Variants in CAPN3 observed in about 807,000 individuals in gnomAD.
CAPN3 encodes the protein calpain-3.
A neutral mutation model predicts 114.0 loss-of-function variants in CAPN3; 88 were observed. That is an observed-to-expected ratio of 0.77 (90% CI 0.65 to 0.92). The LOEUF (loss-of-function observed/expected upper bound fraction) is 0.92, where lower values mean the gene tolerates loss of function less well. Ranked by LOEUF, CAPN3 falls within the 40% of genes least tolerant of loss-of-function variation. The pLI, the probability that CAPN3 is intolerant of heterozygous loss-of-function variation, is 0.00. For missense variants in CAPN3, 1,028 were observed against 1,069.0 expected, an observed-to-expected ratio of 0.96 and a Z score of 0.53; for synonymous variants, 386 against 382.9, an observed-to-expected ratio of 1.01 and a Z score of -0.09.
Position 42,392,698 on chromosome 15 carries a change from C to T in CAPN3, c.1005C>T (p.Ala335=), listed in dbSNP as rs369062480. 1.2e-6 allele frequency: 2 copies of T among 1,613,980 alleles called. No individual in the cohort carries two copies. Among genetic ancestry groups the T allele is most frequent in the Non-Finnish European group, 1.7e-6 (2 of 1,179,890 alleles). The change falls in exon 7 of 24, where the codon GCC becomes GCT. Residue 335 remains alanine (A), a synonymous_variant. Coordinates refer to ENST00000397163, the MANE Select transcript of CAPN3 (RefSeq NM_000070.3). Reference sequence around the variant, plus strand: ...CCTGCGGGCTGGTCAGAGGTCACGCCTACTCTGTCACGGGGCTGGATGAGG... The same window carrying T: ...CCTGCGGGCTGGTCAGAGGTCACGCTTACTCTGTCACGGGGCTGGATGAGG... ...RMACGLVRGH[A]YSVTGLDEVP... is the part of the protein sequence containing the mutation.
At chr15:42,400,635 G>C (rs1201804369) in intron 10 of CAPN3, among the ~76,000 whole-genome samples, 1 of 151,970 alleles carries the variant, frequency 6.6e-6, no homozygotes, top group African/African-American at 2.4e-5. Context: ...ACAATAAACT[G>C]TGATCATGCC....
intron 9 of CAPN3, 130 bp from the exon 10 acceptor site, chr15:42,399,362 G>C: frequency 1.4e-6 from 1 of 730,836 alleles, no homozygotes; most frequent in Non-Finnish European, 2.4e-6. Flanking sequence ...GGAAAGACAG[G>C]CTCCTCTGGG....
At chr15:42,408,406 G>C in intron 16 of CAPN3, 82 bp downstream of exon 16, 1 of 843,942 alleles carries the variant, frequency 1.2e-6, no homozygotes, top group Non-Finnish European at 2.0e-6. Context: ...GGGGCTGGAG[G>C]CTTCCCAGGA....
Position 42,392,689 on chromosome 15 carries a change from A to G in CAPN3, c.996A>G (p.Arg332=), listed in dbSNP as rs1271398782. The G allele has an allele frequency of 6.2e-7, 1 of 1,613,994 alleles. No individual in the cohort carries two copies. The highest frequency in any genetic ancestry group is 1.7e-5 in the Admixed American group (1 of 60,004). The change falls in exon 7 of 24, where the codon AGA becomes AGG. Residue 332 remains arginine, a synonymous_variant. Coordinates refer to ENST00000397163, the MANE Select transcript of CAPN3 (RefSeq NM_000070.3). ...YETRMACGLV[R]GHAYSVTGLD... ...CAAGAATGGCCTGCGGGCTGGTCAGAGGTCACGCCTACTCTGTCACGGGGC... is the reference window on the plus strand; with the variant it reads ...CAAGAATGGCCTGCGGGCTGGTCAGGGGTCACGCCTACTCTGTCACGGGGC...
At position 42,403,621 on chromosome 15, in the gene CAPN3, G is replaced by T. The variant is rs538315773; in HGVS notation, c.1746-120G>T. ...TTCCTGGGGTTGGGGTGTTCCAGGG[G>T]TTCTCTAGAGGCTGGTTCTGGCTTG... On this transcript the variant is annotated intron_variant, in intron 13 of 23. Transcript: ENST00000397163. 5.3e-5 allele frequency: 48 copies of T among 903,822 alleles called. No individual in the cohort carries two copies. The East Asian group carries it at 1.1e-3, about 21-fold the overall frequency. The allele number at this position is 903,822 out of a possible 1,614,324, so 56.0% of individuals were successfully genotyped here.
At position 42,403,738 on chromosome 15, in the gene CAPN3, C is replaced by T; in HGVS notation, c.1746-3C>T. Reference sequence around the variant, plus strand: ...AGACCCCACATGTCTGTATTCCTCACAGGGAAGTTGAAAATACCATCTCCG... The same window carrying T: ...AGACCCCACATGTCTGTATTCCTCATAGGGAAGTTGAAAATACCATCTCCG... On this transcript the variant is annotated splice_polypyrimidine_tract_variant and splice_region_variant and intron_variant, in intron 13 of 23. Coordinates refer to ENST00000397163, the MANE Select transcript of CAPN3 (RefSeq NM_000070.3). 1 of 1,613,780 alleles carries T rather than the reference C, an allele frequency of 6.2e-7. No homozygotes were observed. The highest frequency in any genetic ancestry group is 2.2e-5 in the East Asian group (1 of 44,876).
chr15:42,410,487 G>A lies in CAPN3; in HGVS notation c.2175G>A (p.Lys725=), dbSNP rs2054180537. The A allele has an allele frequency of 3.1e-6, 5 of 1,614,130 alleles. No individual in the cohort carries two copies. Among genetic ancestry groups the A allele is most frequent in the Non-Finnish European group, 3.4e-6 (4 of 1,179,996 alleles). ...QEFHHLWNKI[K]AWQKIFKHYD... ...TCCACCACCTCTGGAACAAGATTAA[G>A]GCCTGGCAGGTGGGAAGAGAAAATG... Residue 725 remains lysine, a synonymous_variant, in exon 20 of 24, where the codon AAG becomes AAA. Transcript: ENST00000397163.
chr15:42,374,297 T>G (rs1032471241), intron 1 of CAPN3: 2 of 152,464 alleles, frequency 1.3e-5, no homozygotes, highest in Non-Finnish European at 2.9e-5. Flanking sequence ...ATGCCCTACC[T>G]GCTGTCAGGA....
intron 18 of CAPN3, 39 bp downstream of exon 18, chr15:42,409,883 G>A (rs1269716155): frequency 5.4e-6 from 3 of 559,746 alleles, no homozygotes; most frequent in African/African-American, 2.0e-5. Context: ...GGTGGGTGGG[G>A]AGTCCCGTTG....
Position 42,411,910 on chromosome 15 carries a change from C to A in CAPN3, c.*137C>A, listed in dbSNP as rs2054263952. 6.4e-7 allele frequency: 1 copy of A among 1,563,912 alleles called. No homozygotes were observed. Among genetic ancestry groups the A allele is most frequent in the East Asian group, 2.4e-5 (1 of 42,408 alleles). ...TCCAGGCACCTCATCAGTCATGCTC[C>A]TCCTCCATTTTACCCCCTACCCATC... is the stretch of plus-strand genomic sequence containing the variant. On this transcript the variant is annotated 3_prime_UTR_variant, in exon 24 of 24. Coordinates refer to ENST00000397163, the MANE Select transcript of CAPN3 (RefSeq NM_000070.3).
intron 6 of CAPN3, among the ~76,000 whole-genome samples, chr15:42,390,786 T>G (rs199969214): frequency 0.053 from 7,960 of 150,036 alleles, 617 homozygotes; most frequent in African/African-American, 0.18. Flanking sequence ...TTTTTTGTTT[T>G]TTTGTTTTTT....
chr15:42,369,428 G>A (rs547179527), intron 1 of CAPN3, among the ~76,000 whole-genome samples: 71 of 152,158 alleles, frequency 4.7e-4, no homozygotes, highest in Admixed American at 1.5e-3. Context: ...CTTGAGCTAC[G>A]GAGGTTGGGG....
At chr15:42,402,211 G>GA in intron 12 of CAPN3, 76 bp downstream of exon 12, 1 of 1,610,066 alleles carries the variant, frequency 6.2e-7, no homozygotes, top group Non-Finnish European at 8.5e-7. Context: ...GGCTCGTCGA[G>GA]AAGCTTCCTG....
Position 42,392,627 on chromosome 15 carries a change from ACTGCT to A in CAPN3, c.946-9_946-5del, listed in dbSNP as rs758101156. 6.8e-6 allele frequency: 11 copies of A among 1,609,824 alleles called. No individual in the cohort carries two copies. In the African/African-American group the frequency reaches 1.1e-4, roughly 16 times the overall value. On this transcript the variant is annotated splice_region_variant and splice_polypyrimidine_tract_variant and intron_variant, in intron 6 of 23. Coordinates refer to ENST00000397163, the MANE Select transcript of CAPN3 (RefSeq NM_000070.3). ...CCCGCCCCTAATGGGTTCTCTGGTTACTGCTCTACAGACAATCATTCCGGTTCAGT... is the reference window on the plus strand; with the variant it reads ...CCCGCCCCTAATGGGTTCTCTGGTTACTACAGACAATCATTCCGGTTCAGT...
In CAPN3 at chr15:42,396,803, G is replaced by A. The variant is rs1472584032; in HGVS notation, c.1119G>A (p.Trp373Ter). The A allele has an allele frequency of 6.2e-7, 1 of 1,613,346 alleles. No homozygotes were observed. The highest frequency in any genetic ancestry group is 1.3e-5 in the African/African-American group (1 of 74,886). ...VEWNGSWSDR[W>*]KDWSFVDKDE... ...AATTCCTCCATTTTCCCACCAGATGGAAGGACTGGAGCTTTGTGGACAAAG... is the reference window on the plus strand; with the variant it reads ...AATTCCTCCATTTTCCCACCAGATGAAAGGACTGGAGCTTTGTGGACAAAG... The change falls in exon 9 of 24, where the codon TGG becomes TGA. Residue 373 changes from tryptophan (W) to a stop codon, truncating the protein, a stop_gained. Coordinates refer to ENST00000397163, the MANE Select transcript of CAPN3 (RefSeq NM_000070.3). LOFTEE classifies it high-confidence loss of function.
chr15:42,411,112 G>A (rs1162564824), intron 22 of CAPN3, 112 bp downstream of exon 22: 1 of 1,055,250 alleles, frequency 9.5e-7, no homozygotes, highest in Non-Finnish European at 1.5e-6. Context: ...AAGGGCCAAT[G>A]ACCTCTTTAG....
intron 8 of CAPN3, among the ~76,000 whole-genome samples, chr15:42,395,627 C>G (rs922276691): frequency 6.6e-6 from 1 of 152,170 alleles, no homozygotes; most frequent in Admixed American, 6.5e-5. Flanking sequence ...CCCAAGTCAC[C>G]TGCAGGGACG....
At chr15:42,392,748 C>G in intron 7 of CAPN3, 26 bp downstream of exon 7, 1 of 1,588,106 alleles carries the variant, frequency 6.3e-7, no homozygotes, top group Non-Finnish European at 8.6e-7. Flanking sequence ...CTTGGTGGGG[C>G]AAGGGCACCC....
intron 17 of CAPN3, 27 bp downstream of exon 17, chr15:42,409,407 C>T: frequency 6.3e-7 from 1 of 1,586,440 alleles, no homozygotes; most frequent in African/African-American, 1.3e-5. Flanking sequence ...CCAGGACGCC[C>T]ACAGGTGCTT....
Sources: gnomAD v4.1 joint callset for allele counts (sites outside exome capture counted in the v4.1 genomes callset) on GRCh38, gnomAD v4.1.1 for gene constraint, MANE v1.5 for transcripts, NCBI Gene and HGNC (gene_info 2026-07-23, HGNC 2026-07-21) for gene names.